DHRS2: variants seen among roughly 807,000 people sequenced by gnomAD.
DHRS2 encodes dehydrogenase/reductase SDR family member 2, mitochondrial.
In DHRS2, 29 loss-of-function variants were observed where a neutral mutation model predicts 26.3. The ratio of observed to expected loss-of-function variants is 1.10; its 90% CI spans 0.82 to 1.50. The LOEUF (loss-of-function observed/expected upper bound fraction) is 1.50, where lower values mean the gene tolerates loss of function less well. Among genes scored for constraint, DHRS2 ranks in the 40% most tolerant of loss-of-function variants. The probability of loss-of-function intolerance (pLI) is 0.00; values close to 1 mark genes in which losing one functional copy is unlikely to be tolerated. For synonymous variants in DHRS2, 164 were observed against 151.3 expected, an observed-to-expected ratio of 1.08 and a Z score of -0.62; for missense variants, 439 against 367.1, an observed-to-expected ratio of 1.20 and a Z score of -1.60.
rs558830814 is a variant in DHRS2, at chr14:23,642,866, T to C, written c.421-286T>C. 9 of 298,764 alleles carry C rather than the reference T, an allele frequency of 3.0e-5. No individual in the cohort carries two copies. In the South Asian group the frequency reaches 3.9e-4, roughly 13 times the overall value. The allele number at this position is 298,764 out of a possible 1,614,324, so 18.5% of individuals were successfully genotyped here. A position where few individuals can be genotyped will look rare whatever the true frequency, so the allele number is the denominator to read the frequency against. ...TACAGGCATGACCCACTGCCCCCAG[T>C]CCCCATTTTCTTTAAAAGGCCTGAA... On this transcript the variant is annotated intron_variant, in intron 4 of 8. Transcript: ENST00000250383.
intron 5 of DHRS2, chr14:23,643,707 G>A (rs548331473): frequency 9.4e-5 from 28 of 296,528 alleles, no homozygotes; most frequent in Non-Finnish European, 1.5e-4. Context: ...GCCAGGGGCT[G>A]TCTTCAGTAG....
chr14:23,638,675 C>T, intron 1 of DHRS2, 152 bp from the exon 2 acceptor site: 1 of 695,538 alleles, frequency 1.4e-6, no homozygotes. Context: ...CTTTCCTGAC[C>T]TGAGGTTCAC....
upstream of DHRS2, among the ~76,000 whole-genome samples, chr14:23,632,498 C>T (rs189762175): frequency 3.8e-3 from 575 of 152,288 alleles, no homozygotes; most frequent in Non-Finnish European, 6.3e-3. Context: ...AGATATAAAT[C>T]GGAAATCAAG....
intron 3 of DHRS2, among the ~76,000 whole-genome samples, 184 bp from the exon 4 acceptor site, chr14:23,639,609 AG>A (rs1156966214): frequency 6.6e-6 from 1 of 152,046 alleles, no homozygotes; most frequent in Non-Finnish European, 1.5e-5. Flanking sequence ...AGGTCCCCAG[AG>A]GGACTCCTGG....
At chr14:23,638,702 C>T (rs893988931) in intron 1 of DHRS2, 125 bp from the exon 2 acceptor site, 8 of 1,001,288 alleles carry the variant, frequency 8.0e-6, no homozygotes, top group East Asian at 2.5e-5. Flanking sequence ...GAAATTTACC[C>T]TAACCAGCCT....
intron 4 of DHRS2, chr14:23,640,217 G>A: frequency 1.0e-6 from 1 of 1,000,338 alleles, no homozygotes; most frequent in South Asian, 4.5e-5. Context: ...GCTGTGAATG[G>A]TTAGTCAGAG....
rs775450619 is a variant in DHRS2, at chr14:23,639,317, C to A, written c.279C>A (p.His93Gln). Reference sequence around the variant, plus strand: ...TGAGTGTGGCGGGCATTGTGTGCCACGTGGGGAAGGCTGAGGACCGGGAGC... The same window carrying A: ...TGAGTGTGGCGGGCATTGTGTGCCAAGTGGGGAAGGCTGAGGACCGGGAGC... ...EGLSVAGIVC[H>Q]VGKAEDREQL... Residue 93 changes from histidine (H) to glutamine (Q), a missense_variant, in exon 3 of 9, where the codon CAC becomes CAA. Physicochemically the swap from His to Gln is conservative, Grantham distance 24. Transcript: ENST00000250383. 2 of 1,588,746 alleles carry A rather than the reference C, an allele frequency of 1.3e-6. No homozygotes were observed. The highest frequency in any genetic ancestry group is 1.7e-6 in the Non-Finnish European group (2 of 1,168,216).
At chr14:23,642,010 T>C in intron 4 of DHRS2, 2 of 1,113,080 alleles carry the variant, frequency 1.8e-6, no homozygotes, top group Non-Finnish European at 2.2e-6. Context: ...CCTTGCTACT[T>C]CCTCTTTCAC....
chr14:23,632,927 AACTAACCCCTTGCTGGAACC>A (rs1489750243), upstream of DHRS2, among the ~76,000 whole-genome samples: 1 of 152,182 alleles, frequency 6.6e-6, no homozygotes, highest in East Asian at 1.9e-4. Flanking sequence ...GTGCCCTGCT[AACTAACCCCTTGCTGGAACC>A]ACTCCTTCCC....
intron 1 of DHRS2, among the ~76,000 whole-genome samples, chr14:23,637,334 AGAC>A (rs1250632643): frequency 6.6e-6 from 1 of 152,224 alleles, no homozygotes; most frequent in East Asian, 1.9e-4. Context: ...CCAATCAGAA[AGAC>A]ATAATTTTTG....
chr14:23,644,956 C>A (rs765367874), intron 8 of DHRS2, 74 bp downstream of exon 8: 5 of 1,573,500 alleles, frequency 3.2e-6, no homozygotes, highest in African/African-American at 2.7e-5. Context: ...CAAGAGCAGA[C>A]CCCTCCCTGT....
At chr14:23,640,598 C>A in intron 4 of DHRS2, 1 of 236,848 alleles carries the variant, frequency 4.2e-6, no homozygotes, top group Non-Finnish European at 6.9e-6. Flanking sequence ...CGTGATGAAT[C>A]TCATTCTTTC....
Position 23,639,200 on chromosome 14 carries a change from A to T in DHRS2, c.162A>T (p.Arg54=), listed in dbSNP as rs555965971. 6 of 1,613,716 alleles carry T rather than the reference A, an allele frequency of 3.7e-6. No homozygotes were observed. The African/African-American group carries it at 8.0e-5, about 22-fold the overall frequency. Reference sequence around the variant, plus strand: ...TCAGGATCGGCTTTGCCATCGCCCGACGTCTGGCCCGGGACGGGGCCCACG... The same window carrying T: ...TCAGGATCGGCTTTGCCATCGCCCGTCGTCTGGCCCGGGACGGGGCCCACG... The part of the protein sequence containing the change: ...STSGIGFAIA[R]RLARDGAHVV... Residue 54 remains arginine, a synonymous_variant, in exon 3 of 9, where the codon CGA becomes CGT. Transcript: ENST00000250383.
chr14:23,644,834 GGAATGA>G lies in DHRS2; in HGVS notation c.685_690del (p.Asn229_Glu230del). ...TTTCTTCCCTTTGCCCAGTTTCATG[GGAATGA>G]GTCTCTCTGGAAGAACTTCAAGGAA... On this transcript the variant is annotated inframe_deletion, in exon 8 of 9. Coordinates refer to ENST00000250383, the MANE Select transcript of DHRS2 (RefSeq NM_005794.4). The G allele has an allele frequency of 6.2e-7, 1 of 1,614,204 alleles. No homozygotes were observed. The highest frequency in any genetic ancestry group is 1.6e-4 in the Middle Eastern group (1 of 6,062).
chr14:23,643,361 C>T (rs1890747200), intron 5 of DHRS2, 142 bp downstream of exon 5: 4 of 749,394 alleles, frequency 5.3e-6, no homozygotes, highest in Non-Finnish European at 8.9e-6. Flanking sequence ...TGTCCTGCCT[C>T]CCCATCTGTG....
At position 23,644,120 on chromosome 14, in the gene DHRS2, T is replaced by C; in HGVS notation, c.498T>C (p.Ala166=). ...GTTTGTCTTGTCTCAGGAGGGGTGC[T>C]GTCATCCTGGTCTCTTCCATTGCAG... ...LLPYMENRRG[A]VILVSSIAAY... The change falls in exon 6 of 9, where the codon GCT becomes GCC. Residue 166 remains alanine (A), a synonymous_variant. Coordinates refer to ENST00000250383, the MANE Select transcript of DHRS2 (RefSeq NM_005794.4). 6.2e-7 allele frequency: 1 copy of C among 1,614,196 alleles called. No homozygotes were observed. Among genetic ancestry groups the C allele is most frequent in the Admixed American group, 1.7e-5 (1 of 60,028 alleles).
At chr14:23,631,553 C>T (rs556217352), upstream of DHRS2, among the ~76,000 whole-genome samples, 2 of 152,046 alleles carry the variant, frequency 1.3e-5, no homozygotes, top group Middle Eastern at 3.4e-3. Context: ...CCTCTACCCC[C>T]CCCACCCCTT....
rs1342609416 is a variant in DHRS2, at chr14:23,636,574, C to T, written c.-237C>T. The T allele has an allele frequency of 6.6e-6, 1 of 152,062 alleles. No individual in the cohort carries two copies. Among genetic ancestry groups the T allele is most frequent in the Non-Finnish European group, 1.5e-5 (1 of 68,030 alleles). The allele number at this position is 152,062 out of a possible 1,614,324, so 9.4% of individuals were successfully genotyped here. A position where few individuals can be genotyped will look rare whatever the true frequency, so the allele number is the denominator to read the frequency against. ...CTCTGGACACACCATCTTTAAGAAC[C>T]GTAATACTCACCGCAAGGGTCTGCA... On this transcript the variant is annotated 5_prime_UTR_variant, in exon 1 of 9. Transcript: ENST00000250383.
At chr14:23,644,946 C>CA (rs1201008593) in intron 8 of DHRS2, 64 bp downstream of exon 8, 1 of 1,579,910 alleles carries the variant, frequency 6.3e-7, no homozygotes, top group Admixed American at 1.7e-5. Flanking sequence ...GAGTCTATTG[C>CA]AAGAGCAGAC....
Sources: gnomAD v4.1 joint callset for allele counts (sites outside exome capture counted in the v4.1 genomes callset) on GRCh38, gnomAD v4.1.1 for gene constraint, MANE v1.5 for transcripts, NCBI Gene and HGNC (gene_info 2026-07-23, HGNC 2026-07-21) for gene names.